The following CYFIP2 variants were observed in gnomAD, a reference collection of about 807,000 sequenced individuals.
CYFIP2 encodes cytoplasmic FMR1-interacting protein 2.
Under a neutral mutation model 158.7 loss-of-function variants are expected in CYFIP2, and 29 were observed. The observed-to-expected ratio is 0.18, with a 90% CI of 0.14 to 0.25. The LOEUF (loss-of-function observed/expected upper bound fraction) is 0.25, where lower values mean the gene tolerates loss of function less well. Among genes scored for constraint, CYFIP2 ranks in the 10% least tolerant of loss-of-function variants. The pLI, the probability that CYFIP2 is intolerant of heterozygous loss-of-function variation, is 1.00. For missense variants in CYFIP2, 852 were observed against 1,639.5 expected, an observed-to-expected ratio of 0.52 and a Z score of 8.29; for synonymous variants, 585 against 617.6, an observed-to-expected ratio of 0.95 and a Z score of 0.78.
chr5:157,390,484 A>G, intron 29 of CYFIP2, 37 bp from the exon 30 acceptor site: 1 of 1,089,590 alleles, frequency 9.2e-7, no homozygotes, highest in Non-Finnish European at 1.3e-6. Context: ...TCCTCCCCCG[A>G]CCTCTCACTC....
chr5:157,324,125 C>T (rs140803052), intron 16 of CYFIP2, 51 bp downstream of exon 16: 45,121 of 1,548,774 alleles, frequency 0.029, 858 homozygotes, highest in Non-Finnish European at 0.032. Flanking sequence ...GATGAGGGCT[C>T]TCAGAGCCGC....
At chr5:157,386,405 A>T (rs1471703517) in intron 28 of CYFIP2, among the ~76,000 whole-genome samples, 1 of 151,872 alleles carries the variant, frequency 6.6e-6, no homozygotes, top group African/African-American at 2.4e-5. Context: ...ATTTTTATAG[A>T]GATGAGGTGT....
intron 23 of CYFIP2, among the ~76,000 whole-genome samples, chr5:157,356,256 G>A (rs942294496): frequency 6.6e-6 from 1 of 152,156 alleles, no homozygotes; most frequent in African/African-American, 2.4e-5. Flanking sequence ...CCATGGCATA[G>A]AGGAGAGAGA....
intron 13 of CYFIP2, among the ~76,000 whole-genome samples, chr5:157,319,360 GT>G (rs1760407045): frequency 6.6e-6 from 1 of 152,196 alleles, no homozygotes; most frequent in South Asian, 2.1e-4. Context: ...TCTATTTGAT[GT>G]TGTCTGTGAG....
chr5:157,280,766 A>G (rs1268710157), intron 1 of CYFIP2, among the ~76,000 whole-genome samples: 1 of 152,050 alleles, frequency 6.6e-6, no homozygotes, highest in Admixed American at 6.5e-5. Flanking sequence ...CCCATCTAGT[A>G]TTATTTAGAA....
At chr5:157,273,145 C>T (rs935115219) in intron 1 of CYFIP2, among the ~76,000 whole-genome samples, 4 of 152,208 alleles carry the variant, frequency 2.6e-5, no homozygotes, top group Non-Finnish European at 5.9e-5. Flanking sequence ...GGATTACAGG[C>T]ACGAGCCACT....
At chr5:157,343,290 A>G (rs1434834390) in intron 23 of CYFIP2, 8 of 1,614,092 alleles carry the variant, frequency 5.0e-6, no homozygotes. Context: ...CTGTAAGGGA[A>G]GGCAGCCTTC....
intron 8 of CYFIP2, among the ~76,000 whole-genome samples, chr5:157,305,404 G>A (rs1189152546): frequency 6.6e-6 from 1 of 152,172 alleles, no homozygotes; most frequent in Non-Finnish European, 1.5e-5. Flanking sequence ...CAGTTCACAC[G>A]TTTCATTCCA....
At chr5:157,316,015 G>A (rs370968102) in intron 13 of CYFIP2, among the ~76,000 whole-genome samples, 6 of 152,234 alleles carry the variant, frequency 3.9e-5, no homozygotes, top group African/African-American at 7.2e-5. Flanking sequence ...ATTTGAACCC[G>A]GGAGGTGGAA....
intron 3 of CYFIP2, among the ~76,000 whole-genome samples, chr5:157,289,011 T>A (rs892375608): frequency 1.3e-5 from 2 of 152,198 alleles, no homozygotes; most frequent in Non-Finnish European, 2.9e-5. Context: ...TATATTATAT[T>A]ATTGGAGCTT....
chr5:157,287,063 G>C lies in CYFIP2; in HGVS notation c.162G>C (p.Thr54=). The part of the protein sequence containing the change: ...TNFEDRNAFV[T]GIARYIEQAT... The stretch of plus-strand genomic sequence containing the variant: ...TTGAGGACAGGAATGCATTTGTCAC[G>C]GGCATTGCAAGGTACATTGAGCAGG... Residue 54 remains threonine (T), a synonymous_variant, in exon 3 of 31, where the codon ACG becomes ACC. Transcript: ENST00000620254. The C allele has an allele frequency of 6.2e-7, 1 of 1,613,448 alleles. No individual in the cohort carries two copies. The highest frequency in any genetic ancestry group is 8.5e-7 in the Non-Finnish European group (1 of 1,179,558).
chr5:157,318,728 G>A (rs1470935739), intron 13 of CYFIP2, among the ~76,000 whole-genome samples: 1 of 152,194 alleles, frequency 6.6e-6, no homozygotes, highest in Non-Finnish European at 1.5e-5. Context: ...GCATAGCTGG[G>A]CCCTGTCCTG....
chr5:157,388,931 A>C (rs1216956004), intron 28 of CYFIP2, among the ~76,000 whole-genome samples: 2 of 152,244 alleles, frequency 1.3e-5, no homozygotes, highest in Admixed American at 1.3e-4. Flanking sequence ...AGAATTCATT[A>C]TGTGGGTAAA....
intron 17 of CYFIP2, 36 bp downstream of exon 17, chr5:157,325,674 G>A: frequency 6.4e-7 from 1 of 1,560,236 alleles, no homozygotes; most frequent in Non-Finnish European, 8.7e-7. Flanking sequence ...GTGGCTCCTG[G>A]GGTACAAGTA....
intron 1 of CYFIP2, chr5:157,269,195 TA>T (rs756937412): frequency 1.3e-5 from 2 of 151,844 alleles, no homozygotes; most frequent in Non-Finnish European, 2.9e-5. Flanking sequence ...AAGGGAAAGT[TA>T]AGAGTGATAG....
chr5:157,307,305 C>T (rs899727740), intron 8 of CYFIP2, among the ~76,000 whole-genome samples: 32 of 152,336 alleles, frequency 2.1e-4, no homozygotes, highest in African/African-American at 7.2e-4. Flanking sequence ...CTAGGAGTAG[C>T]CCTTTCTCTC....
intron 5 of CYFIP2, among the ~76,000 whole-genome samples, chr5:157,299,558 C>T (rs1758566903): frequency 6.6e-6 from 1 of 152,174 alleles, no homozygotes; most frequent in African/African-American, 2.4e-5. Context: ...ATAGCACATA[C>T]CACATTCTAA....
At chr5:157,372,101 TCA>T (rs1466003360) in intron 26 of CYFIP2, among the ~76,000 whole-genome samples, 2 of 152,154 alleles carry the variant, frequency 1.3e-5, no homozygotes, top group Admixed American at 6.5e-5. Flanking sequence ...TGCATATTAT[TCA>T]CACTTTGGAA....
chr5:157,368,842 G>A (rs748312027), intron 26 of CYFIP2, among the ~76,000 whole-genome samples: 33 of 152,052 alleles, frequency 2.2e-4, no homozygotes, highest in Non-Finnish European at 2.9e-4. Context: ...CAGCACAGAG[G>A]GTTACCCTCC....
Sources: allele counts gnomAD v4.1 joint callset (sites outside exome capture counted in the v4.1 genomes callset), GRCh38; gene constraint gnomAD v4.1.1; transcripts MANE v1.5; gene names NCBI Gene and HGNC (gene_info 2026-07-23, HGNC 2026-07-21).